Variants in SMIM35 observed in about 807,000 individuals in gnomAD.
SMIM35 encodes small integral membrane protein 35.
chr11:118,073,636 G>A (rs1944609369), intron 1 of SMIM35, among the ~76,000 whole-genome samples: 1 of 152,212 alleles, frequency 6.6e-6, no homozygotes, highest in Non-Finnish European at 1.5e-5. Context: ...GGGACAGGAG[G>A]CAGCCCCCTC....
At chr11:118,045,330 G>GCACAAACACACACACACACACACA (rs1555073988) in intron 1 of SMIM35, among the ~76,000 whole-genome samples, 1 of 146,014 alleles carries the variant, frequency 6.8e-6, no homozygotes, top group Admixed American at 6.9e-5. Flanking sequence ...ATACACACAT[G>GCACAAACACACACACACACACACA]CACACACACA....
At chr11:118,022,032 CTTTTTTTTTT>C (rs761119844) in intron 1 of SMIM35, among the ~76,000 whole-genome samples, 1 of 120,672 alleles carries the variant, frequency 8.3e-6, no homozygotes, top group South Asian at 2.7e-4. Flanking sequence ...AACAATAAGT[CTTTTTTTTTT>C]TTTTTTTTTT....
chr11:118,064,373 C>T (rs541087876), intron 1 of SMIM35, among the ~76,000 whole-genome samples: 1 of 152,184 alleles, frequency 6.6e-6, no homozygotes, highest in Non-Finnish European at 1.5e-5. Context: ...TCCACATGGA[C>T]CCCAAGGTCC....
chr11:118,035,576 GCATGCCTGCC>G (rs1352630017), intron 1 of SMIM35, among the ~76,000 whole-genome samples: 1 of 152,154 alleles, frequency 6.6e-6, no homozygotes, highest in Non-Finnish European at 1.5e-5. Context: ...CGTGGGTGGG[GCATGCCTGCC>G]CCTGCCAGTC....
Position 118,040,270 on chromosome 11 carries a change from A to C in SMIM35, c.8-24461T>G, listed in dbSNP as rs555739326. On this transcript the variant is annotated intron_variant, in intron 1 of 4. Transcript: ENST00000689828. ...CCAGAAGCTAAATGATCTCCAAGTA[A>C]GAAAAACTAAAAGAGATTTGCAAAC... Among the ~76,000 whole-genome samples, 78 of 152,312 alleles carry C rather than the reference A, an allele frequency of 5.1e-4. 1 individual carries two copies. The highest frequency in any genetic ancestry group is 8.8e-4 in the Non-Finnish European group (60 of 68,034).
At chr11:118,048,355 C>CA (rs942911355) in intron 1 of SMIM35, among the ~76,000 whole-genome samples, 34 of 151,840 alleles carry the variant, frequency 2.2e-4, no homozygotes, top group African/African-American at 7.5e-4. Flanking sequence ...ATTAAAAATA[C>CA]AAAAAAAATT....
At chr11:118,076,433 A>G (rs1249417393) in intron 1 of SMIM35, among the ~76,000 whole-genome samples, 1 of 152,096 alleles carries the variant, frequency 6.6e-6, no homozygotes, top group East Asian at 1.9e-4. Context: ...GGGGACAGAG[A>G]GAGACCCTGT....
intron 4 of SMIM35, among the ~76,000 whole-genome samples, chr11:118,008,529 C>G (rs1012529255): frequency 6.6e-6 from 1 of 152,202 alleles, no homozygotes; most frequent in East Asian, 1.9e-4. Flanking sequence ...CACCTGCCAG[C>G]CTTGTCACGG....
intron 1 of SMIM35, among the ~76,000 whole-genome samples, chr11:118,075,391 T>C (rs1021995962): frequency 4.6e-5 from 7 of 152,194 alleles, no homozygotes; most frequent in Non-Finnish European, 8.8e-5. Flanking sequence ...ATTTGGCCAA[T>C]AATCCATTAC....
chr11:118,042,236 GA>G lies in SMIM35; in HGVS notation c.8-26428del, dbSNP rs1053060239. The stretch of plus-strand genomic sequence containing the variant: ...ACAAACCTTTAGCTAAGTTAACCAA[GA>G]AAAAAAAAGACTCAAATTACTAGAA... On this transcript the variant is annotated intron_variant, in intron 1 of 4. Coordinates refer to ENST00000689828, the MANE Select transcript of SMIM35 (RefSeq NM_001394165.1). Among the ~76,000 whole-genome samples, 5 of 149,872 alleles carry G rather than the reference GA, an allele frequency of 3.3e-5. No homozygotes were observed. The East Asian group carries it at 7.8e-4, about 23-fold the overall frequency.
intron 1 of SMIM35, among the ~76,000 whole-genome samples, chr11:118,053,250 G>A (rs1255270768): frequency 6.6e-6 from 1 of 151,968 alleles, no homozygotes; most frequent in Non-Finnish European, 1.5e-5. Context: ...AGAGGTTGCA[G>A]TGAGCCGAGA....
Position 118,056,894 on chromosome 11 carries a change from G to T in SMIM35, c.7+29857C>A, listed in dbSNP as rs73598990. Among the ~76,000 whole-genome samples the T allele has an allele frequency of 2.4e-3, 371 of 152,228 alleles. 1 individual carries two copies. The highest frequency in any genetic ancestry group is 8.7e-3 in the African/African-American group (361 of 41,532). ...GTTCCAGTGAAATGAAGGGAGCAGA[G>T]GCCAGACCACCGAGGGGTGTAGAGT... On this transcript the variant is annotated intron_variant, in intron 1 of 4. Coordinates refer to ENST00000689828, the MANE Select transcript of SMIM35 (RefSeq NM_001394165.1).
intron 1 of SMIM35, among the ~76,000 whole-genome samples, chr11:118,070,098 T>G (rs1944547460): frequency 6.6e-6 from 1 of 152,236 alleles, no homozygotes; most frequent in Non-Finnish European, 1.5e-5. Flanking sequence ...CAAGTATATG[T>G]TGTTCATTAT....
chr11:118,016,454 G>C, intron 1 of SMIM35, among the ~76,000 whole-genome samples: 1 of 152,196 alleles, frequency 6.6e-6, no homozygotes, highest in East Asian at 1.9e-4. Context: ...GCTGACAGTG[G>C]GGGCACCCTA....
chr11:118,057,810 C>G (rs1447504904), intron 1 of SMIM35, among the ~76,000 whole-genome samples: 1 of 152,160 alleles, frequency 6.6e-6, no homozygotes, highest in Non-Finnish European at 1.5e-5. Context: ...ATGAGGCAGA[C>G]AGCAGGCGGA....
rs2058110795 is a variant in SMIM35, at chr11:118,004,094, A to G, written c.*2316T>C. ...CTTGCTGTGGCCTTACACGGTGGAG[A>G]TAAAGAACTCTGGTCTCTCTTCCAC... On this transcript the variant is annotated 3_prime_UTR_variant, in exon 5 of 5. Coordinates refer to ENST00000689828, the MANE Select transcript of SMIM35 (RefSeq NM_001394165.1). The G allele has an allele frequency of 6.6e-6, 1 of 152,080 alleles. No individual in the cohort carries two copies. Among genetic ancestry groups the G allele is most frequent in the Non-Finnish European group, 1.5e-5 (1 of 68,042 alleles). 9.4% of individuals were successfully genotyped at this position (152,080 alleles called of 1,614,324 possible). A position where few individuals can be genotyped will look rare whatever the true frequency, so the allele number is the denominator to read the frequency against.
At chr11:118,022,889 A>C (rs182084242) in intron 1 of SMIM35, among the ~76,000 whole-genome samples, 239 of 151,892 alleles carry the variant, frequency 1.6e-3, no homozygotes, top group Non-Finnish European at 2.8e-3. Flanking sequence ...CTTAGTGGTG[A>C]GAATAATTAG....
chr11:118,057,117 G>T (rs189111550), intron 1 of SMIM35, among the ~76,000 whole-genome samples: 1 of 152,234 alleles, frequency 6.6e-6, no homozygotes, highest in African/African-American at 2.4e-5. Flanking sequence ...GGAGATGTGG[G>T]CATAGCTACC....
chr11:118,066,141 T>C (rs1403234423), intron 1 of SMIM35, among the ~76,000 whole-genome samples: 1 of 152,110 alleles, frequency 6.6e-6, no homozygotes, highest in Non-Finnish European at 1.5e-5. Flanking sequence ...CCCAGACTCT[T>C]CACCTTTCTC....
Sources: gnomAD v4.1 joint callset for allele counts (sites outside exome capture counted in the v4.1 genomes callset) on GRCh38, gnomAD v4.1.1 for gene constraint, MANE v1.5 for transcripts, NCBI Gene and HGNC (gene_info 2026-07-23, HGNC 2026-07-21) for gene names.